The following LONP2 variants were observed in gnomAD, a reference collection of about 807,000 sequenced individuals.
The protein encoded by LONP2 is lon protease homolog 2, peroxisomal.
LONP2 carries 60 observed loss-of-function variants against 85.6 expected under a neutral mutation model. The ratio of observed to expected loss-of-function variants is 0.70; its 90% CI spans 0.57 to 0.87. The LOEUF (loss-of-function observed/expected upper bound fraction) is 0.87. Ranked by LOEUF, LONP2 falls within the 40% of genes least tolerant of loss-of-function variation. The pLI is 0.00. For missense variants in LONP2, 860 were observed against 1,063.5 expected (o/e 0.81, Z 2.66); for synonymous variants, 395 against 389.7 (o/e 1.01, Z -0.16).
chr16:48,307,792 C>T (rs1729555047), intron 11 of LONP2, among the ~76,000 whole-genome samples: 1 of 152,116 alleles, frequency 6.6e-6, no homozygotes. Flanking sequence ...CAAAGGAATA[C>T]TTGAGGCTGG....
chr16:48,324,751 T>C (rs548856445), intron 11 of LONP2, among the ~76,000 whole-genome samples: 47 of 152,208 alleles, frequency 3.1e-4, no homozygotes, highest in African/African-American at 1.1e-3. Context: ...GTTTATCCAA[T>C]CTGACTTTCA....
chr16:48,313,719 A>G (rs1044684218), intron 11 of LONP2, among the ~76,000 whole-genome samples: 3 of 152,146 alleles, frequency 2.0e-5, no homozygotes, highest in Non-Finnish European at 4.4e-5. Context: ...TTCTTTATCC[A>G]GTCTGTCATT....
Position 48,244,639 on chromosome 16 carries a change from C to A in LONP2, c.233+18C>A. 1 of 1,340,296 alleles carries A rather than the reference C, an allele frequency of 7.5e-7. No homozygotes were observed. Among genetic ancestry groups the A allele is most frequent in the Non-Finnish European group, 9.5e-7 (1 of 1,049,050 alleles). The allele number at this position is 1,340,296 out of a possible 1,614,324, so 83.0% of individuals were successfully genotyped here. A position where few individuals can be genotyped will look rare whatever the true frequency, so the allele number is the denominator to read the frequency against. On this transcript the variant is annotated intron_variant, in intron 1 of 14. Coordinates refer to ENST00000285737, the MANE Select transcript of LONP2 (RefSeq NM_031490.5). ...CTGCACAGGTAGGCCTGGCTGCCCC[C>A]GCGGCGGCGGCGGGCGGCGCGGCCT...
At chr16:48,244,670 G>C (rs1971245273) in intron 1 of LONP2, 49 bp downstream of exon 1, 2 of 1,268,256 alleles carry the variant, frequency 1.6e-6, no homozygotes, top group African/African-American at 1.6e-5. Flanking sequence ...GGCCTCCTCC[G>C]GGGACCTGGG....
intron 8 of LONP2, among the ~76,000 whole-genome samples, chr16:48,295,611 T>A (rs1466436453): frequency 6.6e-6 from 1 of 152,244 alleles, no homozygotes; most frequent in African/African-American, 2.4e-5. Flanking sequence ...ACTGGTTCTT[T>A]GAGAATTTCA....
intron 8 of LONP2, among the ~76,000 whole-genome samples, chr16:48,282,402 C>T (rs1401458056): frequency 1.5e-5 from 2 of 130,642 alleles, no homozygotes; most frequent in African/African-American, 3.1e-5. Context: ...CAGAGCAAGA[C>T]TCTGTCTCAA....
In LONP2 at chr16:48,286,431, G is replaced by A. The variant is rs372935844; in HGVS notation, c.1383+8952G>A. Among the ~76,000 whole-genome samples, 200 of 152,144 alleles carry A rather than the reference G, an allele frequency of 1.3e-3. 1 individual carries two copies. The highest frequency in any genetic ancestry group is 4.7e-3 in the African/African-American group (195 of 41,510). Reference sequence around the variant, plus strand: ...GCTGAGATTACAGTCGTGAGCCACCGTGCCTGGCCGCTGATTTGTAATCTT... The same window carrying A: ...GCTGAGATTACAGTCGTGAGCCACCATGCCTGGCCGCTGATTTGTAATCTT... On this transcript the variant is annotated intron_variant, in intron 8 of 14. Transcript: ENST00000285737.
At chr16:48,279,578 C>G (rs1972284017) in intron 8 of LONP2, among the ~76,000 whole-genome samples, 1 of 151,920 alleles carries the variant, frequency 6.6e-6, no homozygotes, top group African/African-American at 2.4e-5. Flanking sequence ...ATGTTCTTAT[C>G]AGCTGTGCCC....
intron 3 of LONP2, among the ~76,000 whole-genome samples, chr16:48,257,635 A>T (rs1282270573): frequency 6.6e-6 from 1 of 152,204 alleles, no homozygotes; most frequent in African/African-American, 2.4e-5. Flanking sequence ...AGTATTTTTA[A>T]TGAATCATCC....
At chr16:48,297,399 C>T (rs181573285) in intron 9 of LONP2, among the ~76,000 whole-genome samples, 4 of 151,720 alleles carry the variant, frequency 2.6e-5, no homozygotes, top group Admixed American at 2.6e-4. Flanking sequence ...CAACCTCTGC[C>T]TCCTGGTTCA....
intron 8 of LONP2, among the ~76,000 whole-genome samples, chr16:48,289,069 G>C (rs1056289306): frequency 2.1e-4 from 32 of 152,018 alleles, no homozygotes; most frequent in Admixed American, 2.0e-3. Context: ...ATTTTCTTGT[G>C]GTTCATACCT....
At chr16:48,308,347 TTAGGC>T (rs1269700011) in intron 11 of LONP2, among the ~76,000 whole-genome samples, 1 of 151,562 alleles carries the variant, frequency 6.6e-6, no homozygotes, top group Non-Finnish European at 1.5e-5. Flanking sequence ...CAACTCGAGG[TTAGGC>T]TAGGTGGCTC....
At chr16:48,245,562 G>A (rs1971324111) in intron 1 of LONP2, among the ~76,000 whole-genome samples, 1 of 152,150 alleles carries the variant, frequency 6.6e-6, no homozygotes, top group Non-Finnish European at 1.5e-5. Context: ...GGTTTGCTGC[G>A]ATTGTCTGTT....
intron 11 of LONP2, among the ~76,000 whole-genome samples, chr16:48,319,072 T>G (rs1301343277): frequency 1.4e-5 from 2 of 142,538 alleles, no homozygotes; most frequent in African/African-American, 5.7e-5. Flanking sequence ...AAATGCTAAA[T>G]TTAATGTTTA....
In LONP2 at chr16:48,308,531, A is replaced by G. The variant is rs138554796; in HGVS notation, c.1795+5226A>G. On this transcript the variant is annotated intron_variant, in intron 11 of 14. Transcript: ENST00000285737. Reference sequence around the variant, plus strand: ...AGTCCCAGCTACTCGGGAGGCTGAGACAGGAGAATCACTTGAACCCAGGAG... The same window carrying G: ...AGTCCCAGCTACTCGGGAGGCTGAGGCAGGAGAATCACTTGAACCCAGGAG... Among the ~76,000 whole-genome samples the G allele has an allele frequency of 6.7e-3, 1,020 of 151,668 alleles. 11 individuals are homozygous for G. Among genetic ancestry groups the G allele is most frequent in the African/African-American group, 0.023 (932 of 41,340 alleles).
chr16:48,325,903 C>G (rs1192900408), intron 11 of LONP2, among the ~76,000 whole-genome samples: 2 of 152,214 alleles, frequency 1.3e-5, no homozygotes, highest in Non-Finnish European at 2.9e-5. Context: ...TTCTCCACAT[C>G]CACACCAACT....
rs1275660725 is a variant in LONP2, at chr16:48,362,625, C to T, written c.*762C>T. 8.6e-6 allele frequency: 5 copies of T among 582,824 alleles called. No individual in the cohort carries two copies. Among genetic ancestry groups the T allele is most frequent in the Non-Finnish European group, 1.5e-5 (5 of 327,234 alleles). 36.1% of individuals were successfully genotyped at this position (582,824 alleles called of 1,614,324 possible). Reference sequence around the variant, plus strand: ...AATGTGCACTTTATTAGGATCTGTACACTGGATAAGCTCTCTTTTCAAAAT... The same window carrying T: ...AATGTGCACTTTATTAGGATCTGTATACTGGATAAGCTCTCTTTTCAAAAT... On this transcript the variant is annotated 3_prime_UTR_variant, in exon 5 of 5. Transcript: ENST00000565867. This position sits in a 1 kb window ranked among gnomAD's most constrained non-coding sequence, Gnocchi z 4.2.
chr16:48,327,604 C>T (rs191885150), intron 11 of LONP2, among the ~76,000 whole-genome samples: 1 of 152,058 alleles, frequency 6.6e-6, no homozygotes, highest in Admixed American at 6.6e-5. Flanking sequence ...ATTACAGGCA[C>T]CTGCCACCAG....
At chr16:48,261,842 A>G (rs1338988730) in intron 5 of LONP2, among the ~76,000 whole-genome samples, 1 of 152,132 alleles carries the variant, frequency 6.6e-6, no homozygotes, top group Admixed American at 6.6e-5. Flanking sequence ...TCTCTAGATT[A>G]TAAACTCTCA....
Sources: gnomAD v4.1 joint callset for allele counts (sites outside exome capture counted in the v4.1 genomes callset) on GRCh38, gnomAD v4.1.1 for gene constraint, Gnocchi (gnomAD v3.1) non-coding constraint, MANE v1.5 for transcripts, NCBI Gene and HGNC (gene_info 2026-07-23, HGNC 2026-07-21) for gene names.